Variants in PSMD2 observed in about 807,000 individuals in gnomAD.
The protein encoded by PSMD2 is 26S proteasome non-ATPase regulatory subunit 2.
In PSMD2, 8 loss-of-function variants were observed where a neutral mutation model predicts 101.5. The ratio of observed to expected loss-of-function variants is 0.08; its 90% CI spans 0.05 to 0.14. The LOEUF (loss-of-function observed/expected upper bound fraction) is 0.14, where lower values mean the gene tolerates loss of function less well. Among genes scored for constraint, PSMD2 ranks in the 10% least tolerant of loss-of-function variants. The probability of loss-of-function intolerance (pLI) is 1.00; values close to 1 mark genes in which losing one functional copy is unlikely to be tolerated. For missense variants in PSMD2, 784 were observed against 1,147.4 expected (o/e 0.68, Z 4.58); for synonymous variants, 418 against 433.8 (o/e 0.96, Z 0.45).
At chr3:184,300,035 G>T in intron 2 of PSMD2, 128 bp downstream of exon 2, 3 of 961,400 alleles carry the variant, frequency 3.1e-6, no homozygotes, top group Non-Finnish European at 5.0e-6. Flanking sequence ...ATGTTGGGAG[G>T]CAGGAGAGTT....
Position 184,300,373 on chromosome 3 carries a change from C to G in PSMD2, c.286C>G (p.Leu96Val). 6.2e-7 allele frequency: 1 copy of G among 1,614,110 alleles called. No homozygotes were observed. The change falls in exon 3 of 21, where the codon CTC becomes GTC. Residue 96 changes from leucine to valine, a missense_variant. By Grantham distance (32) the Leu-to-Val change is conservative (BLOSUM62 1). Transcript: ENST00000310118. ...TTSMTSVPKP[L>V]KFLRPHYGKL... ...TTCCATGACTTCAGTGCCCAAGCCT[C>G]TCAAATTTCTGCGTCCACACTATGG...
At chr3:184,307,191 C>T (rs1721861032) in intron 16 of PSMD2, among the ~76,000 whole-genome samples, 166 bp from the exon 17 acceptor site, 3 of 152,162 alleles carry the variant, frequency 2.0e-5, no homozygotes. Flanking sequence ...GATCCACCTG[C>T]CTCGGCCTCC....
At position 184,299,910 on chromosome 3, in the gene PSMD2, G is replaced by C; in HGVS notation, c.192+3G>C. On this transcript the variant is annotated splice_donor_region_variant and intron_variant, in intron 2 of 20. Coordinates refer to ENST00000310118, the MANE Select transcript of PSMD2 (RefSeq NM_002808.5). ...AGATGCTCGTGGAACGACTAGGGGT[G>C]AGTCACGATGTTAACATGATTCGGT... 1 of 1,612,988 alleles carries C rather than the reference G, an allele frequency of 6.2e-7. No homozygotes were observed. The highest frequency in any genetic ancestry group is 8.5e-7 in the Non-Finnish European group (1 of 1,178,924).
rs1182581382 is a variant in PSMD2, at chr3:184,308,452, T to C, written c.2429T>C (p.Ile810Thr). 2 of 1,605,396 alleles carry C rather than the reference T, an allele frequency of 1.2e-6. No homozygotes were observed. The highest frequency in any genetic ancestry group is 1.1e-5 in the South Asian group (1 of 90,042). The change falls in exon 20 of 21, where the codon ATT becomes ACT. Residue 810 changes from isoleucine (I) to threonine (T), a missense_variant. This residue lies in a region of PSMD2 where 282 missense variants were observed against 437.6 expected (regional missense o/e 0.64). Coordinates refer to ENST00000310118, the MANE Select transcript of PSMD2 (RefSeq NM_002808.5). This position sits in a 1 kb window ranked among gnomAD's most constrained non-coding sequence, Gnocchi z 6.0. ...LVSFLDVRNI[I>T]LGKSHYVLYG... ...TTGTCCTGTCTGCTTCCCTCAGTTATTCTAGGCAAATCACACTATGTATTG... is the reference window on the plus strand; with the variant it reads ...TTGTCCTGTCTGCTTCCCTCAGTTACTCTAGGCAAATCACACTATGTATTG...
At chr3:184,306,940 G>GCTGTGCCTTTTCTTTCTTTTTT in intron 16 of PSMD2, 106 bp downstream of exon 16, 1 of 888,428 alleles carries the variant, frequency 1.1e-6, no homozygotes, top group Non-Finnish European at 1.8e-6. Flanking sequence ...TGGTCTTTTT[G>GCTGTGCCTTTTCTTTCTTTTTT]CTGTGCCTTT....
rs1721915159 is a variant in PSMD2 at position 184,308,330 on chromosome 3, G to A, written c.2426-119G>A. The A allele has an allele frequency of 6.9e-6, 6 of 871,820 alleles. No individual in the cohort carries two copies. Among genetic ancestry groups the A allele is most frequent in the Non-Finnish European group, 1.1e-5 (6 of 557,846 alleles). 54.0% of individuals were successfully genotyped at this position (871,820 alleles called of 1,614,324 possible). On this transcript the variant is annotated intron_variant, in intron 19 of 20. Transcript: ENST00000310118. The surrounding 1 kb of genome is among the most constrained non-coding windows in gnomAD (Gnocchi z 6.0). ...CGTAGTAGGGTGTATGAGGGGAGGA[G>A]TGTGGATTCAGTCGTATGACTGACG...
Position 184,305,785 on chromosome 3 carries a change from T to G in PSMD2, c.1557T>G (p.Ala519=), listed in dbSNP as rs781754766. The change falls in exon 13 of 21, where the codon GCT becomes GCG. Residue 519 remains alanine, a synonymous_variant. Coordinates refer to ENST00000310118, the MANE Select transcript of PSMD2 (RefSeq NM_002808.5). The part of the protein sequence containing the change: ...KSSMEVAGVT[A]LACGMIAVGS... ...ACCTCTAGGTGGCAGGTGTCACAGC[T>G]TTAGCCTGTGGAATGATAGCAGTAG... is the stretch of plus-strand genomic sequence containing the variant. 2 of 1,613,966 alleles carry G rather than the reference T, an allele frequency of 1.2e-6. No individual in the cohort carries two copies. The highest frequency in any genetic ancestry group is 2.2e-5 in the South Asian group (2 of 91,070).
rs182101338 is a variant in PSMD2 at position 184,308,990 on chromosome 3, G to A, written c.*100G>A. On this transcript the variant is annotated 3_prime_UTR_variant, in exon 21 of 21. Transcript: ENST00000310118. The surrounding 1 kb of genome is among the most constrained non-coding windows in gnomAD (Gnocchi z 6.0). ...GCTGCAGACTTCTGGGGGAATTGTC[G>A]CCTCCTGCTCTTTTGTTACTGAGTG... 81 of 1,242,242 alleles carry A rather than the reference G, an allele frequency of 6.5e-5. No homozygotes were observed. In the African/African-American group the frequency reaches 9.1e-4, roughly 14 times the overall value. The allele number at this position is 1,242,242 out of a possible 1,614,324, so 77.0% of individuals were successfully genotyped here. A position where few individuals can be genotyped will look rare whatever the true frequency, so the allele number is the denominator to read the frequency against.
rs1273029709 is a variant in PSMD2 at position 184,303,629 on chromosome 3, C to A, written c.1217-14C>A. On this transcript the variant is annotated splice_polypyrimidine_tract_variant and intron_variant, in intron 9 of 20. Coordinates refer to ENST00000310118, the MANE Select transcript of PSMD2 (RefSeq NM_002808.5). ...AGGGCCATTTTAAGACTAATAGATT[C>A]TTCCCTGGTATAGGAATGTTGAGTG... The A allele has an allele frequency of 6.2e-7, 1 of 1,613,898 alleles. No homozygotes were observed. The highest frequency in any genetic ancestry group is 8.5e-7 in the Non-Finnish European group (1 of 1,179,940).
At chr3:184,299,969 T>G in intron 2 of PSMD2, 62 bp downstream of exon 2, 2 of 1,477,054 alleles carry the variant, frequency 1.4e-6, no homozygotes, top group Non-Finnish European at 1.9e-6. Flanking sequence ...GTTTTATTCT[T>G]TTTTGAGGCA....
rs996644632 is a variant in PSMD2, at chr3:184,306,918, T to C, written c.2034+84T>C. 38 of 1,060,382 alleles carry C rather than the reference T, an allele frequency of 3.6e-5. No individual in the cohort carries two copies. The East Asian group carries it at 9.1e-4, about 25-fold the overall frequency. 65.7% of individuals were successfully genotyped at this position (1,060,382 alleles called of 1,614,324 possible). A position where few individuals can be genotyped will look rare whatever the true frequency, so the allele number is the denominator to read the frequency against. ...GGGAAGATTTTTCTGATGGGTTTTC[T>C]TGGTGGAGAGCTGGTCTTTTTGCTG... On this transcript the variant is annotated intron_variant, in intron 16 of 20. Transcript: ENST00000310118.
At chr3:184,301,404 C>A in intron 3 of PSMD2, 133 bp from the exon 4 acceptor site, 2 of 1,133,096 alleles carry the variant, frequency 1.8e-6, no homozygotes, top group Non-Finnish European at 1.3e-6. Flanking sequence ...GCTTACATAA[C>A]ATGTTAAATT....
Position 184,306,837 on chromosome 3 carries a change from G to A in PSMD2, c.2034+3G>A. 6.2e-7 allele frequency: 1 copy of A among 1,613,420 alleles called. No homozygotes were observed. Among genetic ancestry groups the A allele is most frequent in the African/African-American group, 1.3e-5 (1 of 74,986 alleles). ...CATTACGAACCTTTGGCCACTTGGT[G>A]AGTATAGCATGAAGAAAATTGGAAT... is the stretch of plus-strand genomic sequence containing the variant. On this transcript the variant is annotated splice_donor_region_variant and intron_variant, in intron 16 of 20. Coordinates refer to ENST00000310118, the MANE Select transcript of PSMD2 (RefSeq NM_002808.5).
At position 184,308,935 on chromosome 3, in the gene PSMD2, C is replaced by G; in HGVS notation, c.*45C>G. 6.4e-7 allele frequency: 1 copy of G among 1,555,918 alleles called. No individual in the cohort carries two copies. Among genetic ancestry groups the G allele is most frequent in the Non-Finnish European group, 8.8e-7 (1 of 1,139,424 alleles). ...AACTGCAGCTGATGTTATCAGCAGGCCATGCATCCTGCTGCCAAGGGTGGA... is the reference window on the plus strand; with the variant it reads ...AACTGCAGCTGATGTTATCAGCAGGGCATGCATCCTGCTGCCAAGGGTGGA... On this transcript the variant is annotated 3_prime_UTR_variant, in exon 21 of 21. Coordinates refer to ENST00000310118, the MANE Select transcript of PSMD2 (RefSeq NM_002808.5). This position sits in a 1 kb window ranked among gnomAD's most constrained non-coding sequence, Gnocchi z 6.0.
Position 184,308,107 on chromosome 3 carries a change from C to T in PSMD2, c.2425+91C>T. On this transcript the variant is annotated intron_variant, in intron 19 of 20. Coordinates refer to ENST00000310118, the MANE Select transcript of PSMD2 (RefSeq NM_002808.5). This position sits in a 1 kb window ranked among gnomAD's most constrained non-coding sequence, Gnocchi z 6.0. ...ACTTTGATAATTTAGGTTCAAGACC[C>T]CAGTTTAGCTCTGTATCGCTCTAGG... 6.6e-7 allele frequency: 1 copy of T among 1,516,486 alleles called. No homozygotes were observed. The highest frequency in any genetic ancestry group is 1.4e-5 in the African/African-American group (1 of 73,024). 93.9% of individuals were successfully genotyped at this position (1,516,486 alleles called of 1,614,324 possible). A position where few individuals can be genotyped will look rare whatever the true frequency, so the allele number is the denominator to read the frequency against.
chr3:184,303,629 C>T lies in PSMD2; in HGVS notation c.1217-14C>T, dbSNP rs1273029709. The T allele has an allele frequency of 6.2e-7, 1 of 1,614,016 alleles. No individual in the cohort carries two copies. Among genetic ancestry groups the T allele is most frequent in the Non-Finnish European group, 8.5e-7 (1 of 1,179,932 alleles). The stretch of plus-strand genomic sequence containing the variant: ...AGGGCCATTTTAAGACTAATAGATT[C>T]TTCCCTGGTATAGGAATGTTGAGTG... On this transcript the variant is annotated splice_polypyrimidine_tract_variant and intron_variant, in intron 9 of 20. Transcript: ENST00000310118.
intron 1 of PSMD2, 175 bp from the exon 2 acceptor site, chr3:184,299,676 C>T (rs1053941558): frequency 3.1e-6 from 2 of 654,914 alleles, no homozygotes; most frequent in Admixed American, 5.9e-5. Context: ...TCAAGTAGAG[C>T]CTGATTCAGA....
rs1324822152 is a variant in PSMD2, at chr3:184,299,920, G to A, written c.192+13G>A. The A allele has an allele frequency of 1.2e-6, 2 of 1,611,054 alleles. No individual in the cohort carries two copies. The highest frequency in any genetic ancestry group is 2.2e-5 in the East Asian group (1 of 44,844). On this transcript the variant is annotated intron_variant, in intron 2 of 20. Transcript: ENST00000310118. ...GGAACGACTAGGGGTGAGTCACGAT[G>A]TTAACATGATTCGGTGCATGTTTGG...
rs114877343 is a variant in PSMD2, at chr3:184,308,877, A to G, written c.2714A>G (p.Asn905Ser). ...EGFVILRKNP[N>S]YDL ...TTTGTTATCCTTCGGAAGAACCCCA[A>G]TTATGATCTCTAAGTGACCACCAGG... The change falls in exon 21 of 21, where the codon AAT becomes AGT. Residue 905 changes from asparagine (N) to serine (S), a missense_variant. Physicochemically the swap from Asn to Ser is conservative, Grantham distance 46. Transcript: ENST00000310118. The surrounding 1 kb of genome is among the most constrained non-coding windows in gnomAD (Gnocchi z 6.0). The G allele has an allele frequency of 1.6e-5, 26 of 1,611,932 alleles. No individual in the cohort carries two copies. In the East Asian group the frequency reaches 2.7e-4, roughly 17 times the overall value.
Sources: gnomAD v4.1 joint callset for allele counts (sites outside exome capture counted in the v4.1 genomes callset) on GRCh38, gnomAD v4.1.1 for gene constraint, gnomAD v4.1.1 regional missense constraint, Gnocchi (gnomAD v3.1) non-coding constraint, MANE v1.5 for transcripts, NCBI Gene and HGNC (gene_info 2026-07-23, HGNC 2026-07-21) for gene names.